Variants in JMJD1C observed in about 807,000 individuals in gnomAD.
JMJD1C encodes the protein jumonji domain-containing protein 1C.
Under a neutral mutation model 245.3 loss-of-function variants are expected in JMJD1C, and 31 were observed. That is an observed-to-expected ratio of 0.13 (90% CI 0.09 to 0.17). JMJD1C has a LOEUF of 0.17. Ranked by LOEUF, JMJD1C falls within the 10% of genes least tolerant of loss-of-function variation. The pLI is 1.00. For missense variants in JMJD1C, 2,691 were observed against 3,000.2 expected, an observed-to-expected ratio of 0.90 and a Z score of 2.41; for synonymous variants, 1,057 against 1,017.4, an observed-to-expected ratio of 1.04 and a Z score of -0.74.
chr10:63,324,291 C>T (rs150164397), intron 2 of JMJD1C, among the ~76,000 whole-genome samples: 6 of 151,830 alleles, frequency 4.0e-5, no homozygotes, highest in African/African-American at 1.4e-4. Context: ...AACAGAGAAA[C>T]CAAGGTTCAG....
intron 1 of JMJD1C, among the ~76,000 whole-genome samples, chr10:63,430,689 C>T (rs1950694531): frequency 6.6e-6 from 1 of 152,094 alleles, no homozygotes; most frequent in African/African-American, 2.4e-5. Flanking sequence ...CTGTGGTATA[C>T]TACAAATCAA....
chr10:63,433,596 T>C (rs1030373172), intron 1 of JMJD1C, among the ~76,000 whole-genome samples: 68 of 149,524 alleles, frequency 4.5e-4, no homozygotes, highest in African/African-American at 1.6e-3. Flanking sequence ...CTTTTTTTTT[T>C]TTTTTTTGAG....
rs745725918 is a variant in JMJD1C at position 63,259,532 on chromosome 10, A to T, written c.447+5119T>A. ...GTGTTGAGCAACAATTACCTTAGGGATATTCAGAAACCACAGCCAATAAAT... is the reference window on the plus strand; with the variant it reads ...GTGTTGAGCAACAATTACCTTAGGGTTATTCAGAAACCACAGCCAATAAAT... On this transcript the variant is annotated intron_variant, in intron 3 of 25. Transcript: ENST00000399262. Among the ~76,000 whole-genome samples the T allele has an allele frequency of 1.4e-3, 213 of 152,344 alleles. 1 individual carries two copies. The highest frequency in any genetic ancestry group is 1.8e-3 in the Non-Finnish European group (120 of 68,036).
intron 8 of JMJD1C, among the ~76,000 whole-genome samples, chr10:63,211,807 G>A (rs1254848926): frequency 1.8e-5 from 2 of 113,402 alleles, no homozygotes; most frequent in Non-Finnish European, 3.3e-5. Context: ...TTGGGTGACA[G>A]AGCAAGACTC....
intron 18 of JMJD1C, among the ~76,000 whole-genome samples, chr10:63,188,766 C>T (rs1844428262): frequency 6.6e-6 from 1 of 152,068 alleles, no homozygotes; most frequent in African/African-American, 2.4e-5. Flanking sequence ...ATAAATATTA[C>T]AGATAAGAAC....
chr10:63,404,406 C>T (rs1949051186), intron 1 of JMJD1C, among the ~76,000 whole-genome samples: 1 of 152,076 alleles, frequency 6.6e-6, no homozygotes, highest in Admixed American at 6.5e-5. Flanking sequence ...GAACCACATG[C>T]TAATTTTTTT....
At chr10:63,216,711 A>G (rs1176136588) in intron 5 of JMJD1C, among the ~76,000 whole-genome samples, 1 of 141,722 alleles carries the variant, frequency 7.1e-6, no homozygotes, top group African/African-American at 2.4e-5. Flanking sequence ...CTCCAGCTCA[A>G]AAAACAAAAA....
At chr10:63,333,743 A>G (rs1942406143) in intron 2 of JMJD1C, among the ~76,000 whole-genome samples, 1 of 152,188 alleles carries the variant, frequency 6.6e-6, no homozygotes, top group African/African-American at 2.4e-5. Context: ...CTGTAAAAAA[A>G]CGAAGAAAAG....
At chr10:63,221,962 T>A (rs1589195495) in intron 3 of JMJD1C, among the ~76,000 whole-genome samples, 1 of 152,184 alleles carries the variant, frequency 6.6e-6, no homozygotes, top group African/African-American at 2.4e-5. Context: ...CCTCAGGTGA[T>A]CCACCTGCCT....
rs545983796 is a variant in JMJD1C at position 63,354,954 on chromosome 10, T to G, written c.333+25364A>C. ...GGGAGGATCACTGAAGCCTAGGGAG[T>G]GGAAGTTGCAGTGAGCCAAGACTGC... On this transcript the variant is annotated intron_variant, in intron 2 of 25. Coordinates refer to ENST00000399262, the MANE Select transcript of JMJD1C (RefSeq NM_032776.3). Among the ~76,000 whole-genome samples the G allele has an allele frequency of 2.0e-5, 3 of 149,122 alleles. No homozygotes were observed. The South Asian group carries it at 6.4e-4, about 32-fold the overall frequency.
At chr10:63,470,485 T>C (rs1953455753), upstream of JMJD1C, among the ~76,000 whole-genome samples, 1 of 152,110 alleles carries the variant, frequency 6.6e-6, no homozygotes, top group South Asian at 2.1e-4. Flanking sequence ...AAAGCAAGGT[T>C]TTTCCTGGGA....
intron 3 of JMJD1C, among the ~76,000 whole-genome samples, chr10:63,242,368 G>T (rs188559332): frequency 6.6e-6 from 1 of 152,246 alleles, no homozygotes; most frequent in East Asian, 1.9e-4. Context: ...TTTAATTTAC[G>T]TTTAAATAGC....
At chr10:63,373,308 T>C (rs563916299) in intron 2 of JMJD1C, among the ~76,000 whole-genome samples, 4 of 152,152 alleles carry the variant, frequency 2.6e-5, no homozygotes, top group Non-Finnish European at 5.9e-5. Flanking sequence ...GCTACTGATA[T>C]CCTAGAAAGA....
intron 1 of JMJD1C, among the ~76,000 whole-genome samples, chr10:63,386,350 C>T (rs943329972): frequency 2.0e-5 from 3 of 152,172 alleles, no homozygotes; most frequent in African/African-American, 7.2e-5. Context: ...GAAAGCAACC[C>T]ACCTTCCCCA....
At chr10:63,224,399 A>G (rs1848995773) in intron 3 of JMJD1C, among the ~76,000 whole-genome samples, 1 of 152,194 alleles carries the variant, frequency 6.6e-6, no homozygotes, top group Admixed American at 6.5e-5. Context: ...GTTAATTAAA[A>G]CCCACAAAAA....
At chr10:63,225,474 T>A (rs1849151650) in intron 3 of JMJD1C, among the ~76,000 whole-genome samples, 1 of 152,118 alleles carries the variant, frequency 6.6e-6, no homozygotes, top group African/African-American at 2.4e-5. Flanking sequence ...CACCTTAATG[T>A]ACTGATACAC....
intron 3 of JMJD1C, among the ~76,000 whole-genome samples, chr10:63,241,166 A>T (rs984478801): frequency 3.3e-5 from 5 of 152,214 alleles, no homozygotes; most frequent in African/African-American, 1.2e-4. Flanking sequence ...AGTGTGTGGG[A>T]TCTGCTTTGA....
chr10:63,255,254 C>T (rs963902428), intron 3 of JMJD1C, among the ~76,000 whole-genome samples: 1 of 152,176 alleles, frequency 6.6e-6, no homozygotes. Flanking sequence ...CATATATTCT[C>T]TTCCTTATAT....
intron 1 of JMJD1C, among the ~76,000 whole-genome samples, chr10:63,464,632 A>G (rs1044572327): frequency 6.6e-6 from 1 of 152,134 alleles, no homozygotes; most frequent in African/African-American, 2.4e-5. Context: ...AGCATATTAC[A>G]GCTCAATATC....
Sources: allele counts gnomAD v4.1 joint callset (sites outside exome capture counted in the v4.1 genomes callset), GRCh38; gene constraint gnomAD v4.1.1; transcripts MANE v1.5; gene names NCBI Gene and HGNC (gene_info 2026-07-23, HGNC 2026-07-21).